The following TLN2 variants were observed in gnomAD, a reference collection of about 807,000 sequenced individuals.
TLN2 encodes the protein talin 2, also known as talin-2.
Under a neutral mutation model 294.7 loss-of-function variants are expected in TLN2, and 118 were observed. That is an observed-to-expected ratio of 0.40 (90% CI 0.34 to 0.47). The LOEUF (loss-of-function observed/expected upper bound fraction) is 0.47, where lower values mean the gene tolerates loss of function less well. TLN2 is among the 20% of genes least tolerant of loss of function. The probability of loss-of-function intolerance (pLI) is 0.84; values close to 1 mark genes in which losing one functional copy is unlikely to be tolerated. For synonymous variants in TLN2, 1,431 were observed against 1,304.5 expected, an observed-to-expected ratio of 1.10 and a Z score of -2.09; for missense variants, 3,083 against 3,282.2, an observed-to-expected ratio of 0.94 and a Z score of 1.48.
chr15:62,403,911 A>G (rs781526209), intron 1 of TLN2, among the ~76,000 whole-genome samples: 2 of 152,144 alleles, frequency 1.3e-5, no homozygotes, highest in Non-Finnish European at 2.9e-5. Flanking sequence ...CTTATTGTCT[A>G]TCTCACTGCA....
chr15:62,792,090 G>C (rs2065114639), intron 45 of TLN2, among the ~76,000 whole-genome samples: 1 of 152,200 alleles, frequency 6.6e-6, no homozygotes, highest in African/African-American at 2.4e-5. Flanking sequence ...GTCCCCATGG[G>C]ATACAGCTGG....
intron 32 of TLN2, among the ~76,000 whole-genome samples, chr15:62,741,748 C>CGCGCGCGCGCGTGTGTGTGTGTGTGTGT: frequency 3.2e-4 from 42 of 131,160 alleles, no homozygotes; most frequent in Middle Eastern, 4.2e-3. Context: ...AAAATTTGCG[C>CGCGCGCGCGCGTGTGTGTGTGTGTGTGT]GTGTGTGTGT....
chr15:62,798,130 C>G (rs1310536831), intron 48 of TLN2, among the ~76,000 whole-genome samples: 1 of 152,060 alleles, frequency 6.6e-6, no homozygotes, highest in African/African-American at 2.4e-5. Context: ...CCATCGAGGA[C>G]ATTGGTGTCC....
chr15:62,514,202 A>G (rs2040073633), intron 1 of TLN2, among the ~76,000 whole-genome samples: 1 of 152,224 alleles, frequency 6.6e-6, no homozygotes, highest in Non-Finnish European at 1.5e-5. Flanking sequence ...TTAATTTCCT[A>G]GAGGCTCTTA....
chr15:62,840,804 G>T lies in TLN2; in HGVS notation c.*194G>T. The T allele has an allele frequency of 1.4e-6, 1 of 711,972 alleles. No individual in the cohort carries two copies. The highest frequency in any genetic ancestry group is 2.3e-5 in the South Asian group (1 of 43,570). The allele number at this position is 711,972 out of a possible 1,614,324, so 44.1% of individuals were successfully genotyped here. ...TGATCGTGATGTCACACGGTACAAT[G>T]TCCTACCCACAACTCCTCTGCCGCC... On this transcript the variant is annotated 3_prime_UTR_variant, in exon 59 of 59. Coordinates refer to ENST00000636159, the MANE Select transcript of TLN2 (RefSeq NM_015059.3).
intron 46 of TLN2, among the ~76,000 whole-genome samples, chr15:62,795,047 G>C (rs2065367858): frequency 6.6e-6 from 1 of 152,226 alleles, no homozygotes; most frequent in Admixed American, 6.5e-5. Flanking sequence ...CAAGAACGGT[G>C]TGCTGTGGCG....
chr15:62,781,009 A>G, intron 43 of TLN2, 131 bp from the exon 44 acceptor site: 1 of 650,228 alleles, frequency 1.5e-6, no homozygotes, highest in Non-Finnish European at 2.7e-6. Context: ...CAAGTTGGGT[A>G]ATTGAGTTGA....
chr15:62,748,779 T>C (rs2061756143), intron 33 of TLN2, among the ~76,000 whole-genome samples: 1 of 152,146 alleles, frequency 6.6e-6, no homozygotes, highest in Non-Finnish European at 1.5e-5. Flanking sequence ...AATTTTTACC[T>C]AAAAAATATT....
chr15:62,658,033 C>T (rs773454213), intron 9 of TLN2, 135 bp downstream of exon 9: 53 of 887,706 alleles, frequency 6.0e-5, no homozygotes, highest in Non-Finnish European at 3.1e-5. Context: ...TTTCTTCCAT[C>T]GAGTAGATGA....
rs1206010247 is a variant in TLN2, at chr15:62,805,494, TACTG to T, written c.6478-105_6478-102del. The T allele has an allele frequency of 8.2e-6, 10 of 1,221,224 alleles. No individual in the cohort carries two copies. In the Admixed American group the frequency reaches 1.4e-4, roughly 17 times the overall value. 75.6% of individuals were successfully genotyped at this position (1,221,224 alleles called of 1,614,324 possible). ...TCGCCATGTGACAGTTTCTTCCAGT[TACTG>T]GCTCAGTTTTCAGACACAAGCTACA... is the stretch of plus-strand genomic sequence containing the variant. On this transcript the variant is annotated intron_variant, in intron 50 of 58. Coordinates refer to ENST00000636159, the MANE Select transcript of TLN2 (RefSeq NM_015059.3).
chr15:62,447,095 C>T (rs559854652), intron 1 of TLN2, among the ~76,000 whole-genome samples: 1 of 152,178 alleles, frequency 6.6e-6, no homozygotes, highest in African/African-American at 2.4e-5. Context: ...AAATTAATCT[C>T]CATAATGAAC....
intron 1 of TLN2, among the ~76,000 whole-genome samples, chr15:62,530,643 C>T (rs1244280835): frequency 6.6e-6 from 1 of 152,212 alleles, no homozygotes; most frequent in Admixed American, 6.5e-5. Flanking sequence ...GCGTGAGCCA[C>T]CATGCCCGGC....
chr15:62,737,224 C>G, intron 29 of TLN2, 138 bp downstream of exon 29: 1 of 853,250 alleles, frequency 1.2e-6, no homozygotes, highest in Admixed American at 2.3e-5. Flanking sequence ...AAGGTCATAA[C>G]GATGCTGGCC....
chr15:62,403,346 C>T (rs748675527), intron 1 of TLN2, among the ~76,000 whole-genome samples: 15 of 152,172 alleles, frequency 9.9e-5, no homozygotes, highest in Admixed American at 1.3e-4. Flanking sequence ...AACTGTCATA[C>T]TCACTGACAC....
Position 62,675,212 on chromosome 15 carries a change from T to C in TLN2, c.853-5T>C. 2 of 1,614,128 alleles carry C rather than the reference T, an allele frequency of 1.2e-6. No homozygotes were observed. The highest frequency in any genetic ancestry group is 2.2e-5 in the East Asian group (1 of 44,884). ...AACTGGTCCCGACCACTGTCACTTT[T>C]GCAGGAGCATAAGAACTGCGGAGAG... On this transcript the variant is annotated splice_region_variant and splice_polypyrimidine_tract_variant and intron_variant, in intron 10 of 58. Transcript: ENST00000636159.
chr15:62,756,087 A>T (rs2062231153), intron 37 of TLN2, among the ~76,000 whole-genome samples: 1 of 152,220 alleles, frequency 6.6e-6, no homozygotes, highest in Non-Finnish European at 1.5e-5. Flanking sequence ...GGGCTCTCCC[A>T]TCATTGCTGA....
At chr15:62,717,729 T>A in intron 24 of TLN2, 40 bp downstream of exon 24, 1 of 1,435,660 alleles carries the variant, frequency 7.0e-7, no homozygotes, top group Non-Finnish European at 9.3e-7. Context: ...CAGCTGCAGA[T>A]GACCCTGATA....
At chr15:62,741,731 G>GT (rs1222085168) in intron 32 of TLN2, among the ~76,000 whole-genome samples, 2 of 151,746 alleles carry the variant, frequency 1.3e-5, no homozygotes, top group Non-Finnish European at 2.9e-5. Context: ...TTTTAACTTG[G>GT]TTTTTTAAAA....
intron 32 of TLN2, among the ~76,000 whole-genome samples, chr15:62,744,862 C>G (rs188831632): frequency 6.6e-6 from 1 of 152,272 alleles, no homozygotes; most frequent in East Asian, 1.9e-4. Context: ...ATTTTTTAAT[C>G]TCTGTGCCTT....
Sources: allele counts gnomAD v4.1 joint callset (sites outside exome capture counted in the v4.1 genomes callset), GRCh38; gene constraint gnomAD v4.1.1; transcripts MANE v1.5; gene names NCBI Gene and HGNC (gene_info 2026-07-23, HGNC 2026-07-21).